The following CSMD1 variants were observed in gnomAD, a reference collection of about 807,000 sequenced individuals.
CSMD1 encodes the protein CUB and Sushi multiple domains 1, also known as CUB and sushi domain-containing protein 1.
Under a neutral mutation model 417.5 loss-of-function variants are expected in CSMD1, and 213 were observed. That is an observed-to-expected ratio of 0.51 (90% CI 0.46 to 0.57). CSMD1 has a LOEUF of 0.57. Ranked by LOEUF, CSMD1 falls within the 20% of genes least tolerant of loss-of-function variation. The pLI, the probability that CSMD1 is intolerant of heterozygous loss-of-function variation, is 0.00. For synonymous variants in CSMD1, 2,862 were observed against 1,736.8 expected (o/e 1.65, Z -16.11); for missense variants, 6,923 against 4,529.7 (o/e 1.53, Z -15.17).
chr8:3,065,625 GAAGA>G (rs1307889986), intron 49 of CSMD1, among the ~76,000 whole-genome samples: 1 of 152,140 alleles, frequency 6.6e-6, no homozygotes, highest in Non-Finnish European at 1.5e-5. Context: ...AAGATGATAG[GAAGA>G]TAGATTGATA....
At chr8:3,899,883 T>C (rs550409266) in intron 5 of CSMD1, among the ~76,000 whole-genome samples, 1 of 152,362 alleles carries the variant, frequency 6.6e-6, no homozygotes, top group Admixed American at 6.5e-5. Flanking sequence ...CTCCAAACCC[T>C]GAGCTTAAGA....
chr8:3,947,918 A>G (rs952102222), intron 5 of CSMD1, among the ~76,000 whole-genome samples: 3 of 152,118 alleles, frequency 2.0e-5, no homozygotes, highest in East Asian at 1.9e-4. Context: ...AAAATCTCCA[A>G]TGGTAGGCTG....
chr8:4,564,965 A>C (rs1368359297), intron 2 of CSMD1, among the ~76,000 whole-genome samples: 11 of 152,202 alleles, frequency 7.2e-5, no homozygotes, highest in African/African-American at 2.7e-4. Flanking sequence ...GCTCAAAAGA[A>C]TGTGGGTGCC....
At chr8:3,977,950 C>T (rs772458198) in intron 5 of CSMD1, among the ~76,000 whole-genome samples, 3 of 152,184 alleles carry the variant, frequency 2.0e-5, no homozygotes, top group Admixed American at 6.5e-5. Context: ...GTCATGTGCA[C>T]GGCTGCCTTT....
chr8:3,933,696 G>C (rs10503223), intron 5 of CSMD1, among the ~76,000 whole-genome samples: 16,669 of 152,122 alleles, frequency 0.11, 1,028 homozygotes, highest in South Asian at 0.13. Flanking sequence ...TGCAATTTGT[G>C]CTCCTTTTGT....
intron 23 of CSMD1, among the ~76,000 whole-genome samples, chr8:3,323,872 C>A (rs1363942124): frequency 6.9e-6 from 1 of 143,970 alleles, no homozygotes; most frequent in Non-Finnish European, 1.5e-5. Flanking sequence ...ACCCAGAGAC[C>A]CAGGAGGGGG....
chr8:3,097,484 C>A (rs961829154), intron 46 of CSMD1, among the ~76,000 whole-genome samples: 6 of 152,098 alleles, frequency 3.9e-5, no homozygotes, highest in Non-Finnish European at 7.4e-5. Context: ...GGGATACATT[C>A]CAAGAGCCCT....
At chr8:3,755,522 G>C (rs1341131991) in intron 5 of CSMD1, among the ~76,000 whole-genome samples, 1 of 152,186 alleles carries the variant, frequency 6.6e-6, no homozygotes. Flanking sequence ...CTGTGGTGCT[G>C]CGTGTGGGCC....
At chr8:4,688,824 G>A (rs930118792) in intron 1 of CSMD1, among the ~76,000 whole-genome samples, 5 of 152,134 alleles carry the variant, frequency 3.3e-5, no homozygotes, top group African/African-American at 9.7e-5. Flanking sequence ...CATCGCAAGT[G>A]GTCTGATGTG....
At chr8:4,562,774 A>G (rs1045966646) in intron 2 of CSMD1, among the ~76,000 whole-genome samples, 4 of 152,254 alleles carry the variant, frequency 2.6e-5, no homozygotes, top group Admixed American at 2.0e-4. Flanking sequence ...TCAAGAATAT[A>G]TATCCTAAAA....
chr8:3,356,822 T>G (rs1442400), intron 21 of CSMD1, among the ~76,000 whole-genome samples: 21,341 of 152,184 alleles, frequency 0.14, 1,734 homozygotes, highest in East Asian at 0.22. Flanking sequence ...CTGGGTGCAC[T>G]CTGGAGAGCC....
At chr8:3,605,016 G>GT (rs1314587494) in intron 8 of CSMD1, among the ~76,000 whole-genome samples, 1 of 152,182 alleles carries the variant, frequency 6.6e-6, no homozygotes, top group Admixed American at 6.5e-5. Flanking sequence ...CAGTTCTTTT[G>GT]TTTTTTTCTT....
intron 2 of CSMD1, among the ~76,000 whole-genome samples, chr8:4,545,169 T>G (rs1797575462): frequency 6.6e-6 from 1 of 152,172 alleles, no homozygotes; most frequent in Non-Finnish European, 1.5e-5. Flanking sequence ...AAAATCATAT[T>G]TGTGAGAAAC....
intron 3 of CSMD1, among the ~76,000 whole-genome samples, chr8:4,400,410 A>G (rs1157881349): frequency 6.6e-6 from 1 of 152,228 alleles, no homozygotes; most frequent in African/African-American, 2.4e-5. Context: ...TTCCAGGAGC[A>G]TATGTTTGTA....
intron 1 of CSMD1, among the ~76,000 whole-genome samples, chr8:4,871,755 T>C (rs943322391): frequency 6.6e-6 from 1 of 152,098 alleles, no homozygotes; most frequent in Non-Finnish European, 1.5e-5. Context: ...TATGGGAGCT[T>C]ATTTTTCCCT....
intron 41 of CSMD1, chr8:3,128,725 A>ATTTGTAT (rs1346617620): frequency 5.3e-6 from 2 of 377,956 alleles, no homozygotes; most frequent in Admixed American, 7.1e-5. Flanking sequence ...GTTCTCATTT[A>ATTTGTAT]TTTGTATTAT....
rs1489237960 is a variant in CSMD1, at chr8:3,203,909, C to T, written c.4984+1595G>A. 3.3e-5 allele frequency among the ~76,000 whole-genome samples: 5 copies of T among 152,308 alleles called. No homozygotes were observed. In the Middle Eastern group the frequency reaches 0.01, roughly 311 times the overall value. On this transcript the variant is annotated intron_variant, in intron 31 of 69. Coordinates refer to ENST00000635120, the MANE Select transcript of CSMD1 (RefSeq NM_033225.6). The stretch of plus-strand genomic sequence containing the variant: ...CTACCTGGTAAGGATCACATCACCC[C>T]GTAGTGTCTGGATTGCACATCTGCC...
intron 10 of CSMD1, among the ~76,000 whole-genome samples, chr8:3,533,455 A>T (rs763294327): frequency 6.6e-6 from 1 of 152,132 alleles, no homozygotes; most frequent in Non-Finnish European, 1.5e-5. Context: ...ACTCCTTTAG[A>T]TTCCTCATGT....
At chr8:3,187,391 C>G (rs1332842948) in intron 36 of CSMD1, among the ~76,000 whole-genome samples, 1 of 152,086 alleles carries the variant, frequency 6.6e-6, no homozygotes, top group Non-Finnish European at 1.5e-5. Flanking sequence ...GTCGGAGGTG[C>G]AAGGAAGACT....
Sources: gnomAD v4.1 joint callset for allele counts (sites outside exome capture counted in the v4.1 genomes callset) on GRCh38, gnomAD v4.1.1 for gene constraint, MANE v1.5 for transcripts, NCBI Gene and HGNC (gene_info 2026-07-23, HGNC 2026-07-21) for gene names.